VSTM2L: variants seen among roughly 807,000 people sequenced by gnomAD.
VSTM2L encodes V-set and transmembrane domain containing 2 like.
Under a neutral mutation model 19.9 loss-of-function variants are expected in VSTM2L, and 9 were observed. That is an observed-to-expected ratio of 0.45 (90% CI 0.27 to 0.79). The LOEUF is 0.79. VSTM2L is among the 30% of genes least tolerant of loss of function. The probability of loss-of-function intolerance (pLI) is 0.15; values close to 1 mark genes in which losing one functional copy is unlikely to be tolerated. For synonymous variants in VSTM2L, 127 were observed against 133.8 expected (o/e 0.95, Z 0.35); for missense variants, 286 against 295.5 (o/e 0.97, Z 0.24).
At chr20:37,904,080 C>T (rs1373834192) in intron 1 of VSTM2L, among the ~76,000 whole-genome samples, 1 of 152,244 alleles carries the variant, frequency 6.6e-6, no homozygotes. Context: ...CCTCTCCACA[C>T]CCAGCCCTAT....
intron 3 of VSTM2L, among the ~76,000 whole-genome samples, chr20:37,937,048 C>T (rs1207814213): frequency 6.6e-6 from 1 of 152,088 alleles, no homozygotes; most frequent in Admixed American, 6.5e-5. Context: ...CAGTGACACC[C>T]CGTCTCTACT....
intron 1 of VSTM2L, among the ~76,000 whole-genome samples, chr20:37,928,230 G>A (rs1488571625): frequency 1.3e-5 from 2 of 152,186 alleles, no homozygotes; most frequent in Non-Finnish European, 2.9e-5. Flanking sequence ...TGTGAATCAA[G>A]GCAGAATCCG....
intron 1 of VSTM2L, among the ~76,000 whole-genome samples, chr20:37,919,589 G>A (rs185797103): frequency 1.8e-3 from 269 of 152,342 alleles, no homozygotes; most frequent in Non-Finnish European, 3.1e-3. Flanking sequence ...CTTTCCCCGG[G>A]AGAGCTCTTA....
intron 1 of VSTM2L, among the ~76,000 whole-genome samples, chr20:37,931,350 G>A (rs2122966802): frequency 6.6e-6 from 1 of 152,298 alleles, no homozygotes; most frequent in East Asian, 1.9e-4. Flanking sequence ...TCCCTGGCAT[G>A]TTCTCCCACA....
At chr20:37,930,556 A>G (rs1192413232) in intron 1 of VSTM2L, among the ~76,000 whole-genome samples, 1 of 152,216 alleles carries the variant, frequency 6.6e-6, no homozygotes, top group African/African-American at 2.4e-5. Flanking sequence ...AAGAATTCTA[A>G]TTACATCTCA....
rs1456386553 is a variant in VSTM2L at position 37,913,346 on chromosome 20, G to A, written c.121+9875G>A. 3.3e-5 allele frequency among the ~76,000 whole-genome samples: 5 copies of A among 152,282 alleles called. No homozygotes were observed. The East Asian group carries it at 7.7e-4, about 23-fold the overall frequency. On this transcript the variant is annotated intron_variant, in intron 1 of 3. Coordinates refer to ENST00000373461, the MANE Select transcript of VSTM2L (RefSeq NM_080607.3). ...CAGGCAGAAGTAGCCTTTGTTTCAC[G>A]GGTGAGGAAACTGAGGCCCAGAGAG...
chr20:37,939,020 C>A (rs961017181), intron 3 of VSTM2L, among the ~76,000 whole-genome samples: 1 of 152,180 alleles, frequency 6.6e-6, no homozygotes, highest in Non-Finnish European at 1.5e-5. Flanking sequence ...GCCTCTGTCA[C>A]CAGCTGGGTG....
rs6021823 is a variant in VSTM2L at position 37,911,721 on chromosome 20, C to G, written c.121+8250C>G. On this transcript the variant is annotated intron_variant, in intron 1 of 3. Transcript: ENST00000373461. Reference sequence around the variant, plus strand: ...TTGTCTACTATACTCCCCTCTCCCCCACCCTGTGCCTGCCTTGCTGGGTGA... The same window carrying G: ...TTGTCTACTATACTCCCCTCTCCCCGACCCTGTGCCTGCCTTGCTGGGTGA... Among the ~76,000 whole-genome samples, 57 of 152,340 alleles carry G rather than the reference C, an allele frequency of 3.7e-4. 2 individuals are homozygous for G. Among genetic ancestry groups the G allele is most frequent in the African/African-American group, 1.1e-3 (46 of 41,574 alleles).
chr20:37,928,872 C>T (rs975887592), intron 1 of VSTM2L, among the ~76,000 whole-genome samples: 4 of 152,190 alleles, frequency 2.6e-5, no homozygotes, highest in African/African-American at 9.7e-5. Flanking sequence ...CTGTCCAATA[C>T]AATAGCCATT....
chr20:37,904,078 C>T (rs976258725), intron 1 of VSTM2L, among the ~76,000 whole-genome samples: 2 of 152,252 alleles, frequency 1.3e-5, no homozygotes, highest in East Asian at 3.9e-4. Context: ...TTCCTCTCCA[C>T]ACCCAGCCCT....
chr20:37,904,398 G>A (rs1358590658), intron 1 of VSTM2L, among the ~76,000 whole-genome samples: 3 of 152,256 alleles, frequency 2.0e-5, no homozygotes, highest in African/African-American at 7.2e-5. Context: ...TGGAAGCCGG[G>A]GAGCAGACAA....
At chr20:37,928,809 G>A (rs2072892890) in intron 1 of VSTM2L, among the ~76,000 whole-genome samples, 1 of 152,208 alleles carries the variant, frequency 6.6e-6, no homozygotes, top group Non-Finnish European at 1.5e-5. Context: ...TGCTGCAGGA[G>A]CTGGGAGGGA....
chr20:37,905,046 C>T (rs2122927975), intron 1 of VSTM2L, among the ~76,000 whole-genome samples: 1 of 152,282 alleles, frequency 6.6e-6, no homozygotes, highest in African/African-American at 2.4e-5. Context: ...CCCAAGGTCA[C>T]ACAGTAAGAG....
intron 3 of VSTM2L, among the ~76,000 whole-genome samples, chr20:37,937,058 T>C (rs1261545065): frequency 6.6e-6 from 1 of 151,930 alleles, no homozygotes; most frequent in Non-Finnish European, 1.5e-5. Context: ...CCGTCTCTAC[T>C]AAAAATACAA....
chr20:37,944,411 A>C lies in VSTM2L; in HGVS notation c.*158A>C. On this transcript the variant is annotated 3_prime_UTR_variant, in exon 4 of 4. Coordinates refer to ENST00000373461, the MANE Select transcript of VSTM2L (RefSeq NM_080607.3). ...GCCCTCTTTCCACCACCCCTTGCTCAGCATGTAAGCCCCACCCACCCCTGC... is the reference window on the plus strand; with the variant it reads ...GCCCTCTTTCCACCACCCCTTGCTCCGCATGTAAGCCCCACCCACCCCTGC... 1 of 1,253,988 alleles carries C rather than the reference A, an allele frequency of 8.0e-7. No homozygotes were observed. The highest frequency in any genetic ancestry group is 1.0e-6 in the Non-Finnish European group (1 of 968,920). 77.7% of individuals were successfully genotyped at this position (1,253,988 alleles called of 1,614,324 possible). A position where few individuals can be genotyped will look rare whatever the true frequency, so the allele number is the denominator to read the frequency against.
At chr20:37,917,830 C>T (rs1036198057) in intron 1 of VSTM2L, among the ~76,000 whole-genome samples, 5 of 152,240 alleles carry the variant, frequency 3.3e-5, no homozygotes, top group Admixed American at 2.0e-4. Context: ...TGATGGCGTG[C>T]GGCCCACGCA....
chr20:37,924,405 T>A (rs1431108138), intron 1 of VSTM2L, among the ~76,000 whole-genome samples: 1 of 148,972 alleles, frequency 6.7e-6, no homozygotes, highest in Non-Finnish European at 1.5e-5. Context: ...ATACAATAAT[T>A]AGCTGGGCGT....
chr20:37,943,967 T>C lies in VSTM2L; in HGVS notation c.343-14T>C, dbSNP rs1003346820. On this transcript the variant is annotated splice_polypyrimidine_tract_variant and intron_variant, in intron 3 of 3. Coordinates refer to ENST00000373461, the MANE Select transcript of VSTM2L (RefSeq NM_080607.3). ...CACTGGATGGACAGGTCACGGTCTC[T>C]CTGTCACCCCCAGGTGGTCAAGGTG... The C allele has an allele frequency of 4.0e-6, 5 of 1,239,792 alleles. No homozygotes were observed. The highest frequency in any genetic ancestry group is 5.2e-6 in the Non-Finnish European group (5 of 954,114). The allele number at this position is 1,239,792 out of a possible 1,614,324, so 76.8% of individuals were successfully genotyped here.
chr20:37,903,563 C>G (rs1005676333), intron 1 of VSTM2L, 92 bp downstream of exon 1: 1 of 1,315,424 alleles, frequency 7.6e-7, no homozygotes, highest in African/African-American at 1.6e-5. Flanking sequence ...CTCGAACCGG[C>G]GCCAGTCGTG....
Sources: allele counts gnomAD v4.1 joint callset (sites outside exome capture counted in the v4.1 genomes callset), GRCh38; gene constraint gnomAD v4.1.1; transcripts MANE v1.5; gene names NCBI Gene and HGNC (gene_info 2026-07-23, HGNC 2026-07-21).